Variants in CEP112 observed in about 807,000 individuals in gnomAD.
The protein encoded by CEP112 is centrosomal protein 112.
A neutral mutation model predicts 153.0 loss-of-function variants in CEP112; 127 were observed. The observed-to-expected ratio is 0.83, with a 90% confidence interval of 0.72 to 0.96. CEP112 has a LOEUF of 0.96. Among genes scored for constraint, CEP112 ranks in the 40% least tolerant of loss-of-function variants. The pLI, the probability that CEP112 is intolerant of heterozygous loss-of-function variation, is 0.00. For missense variants in CEP112, 1,089 were observed against 1,101.2 expected (o/e 0.99, Z 0.16); for synonymous variants, 358 against 374.4 (o/e 0.96, Z 0.51).
chr17:66,186,815 C>G (rs1372533257), intron 1 of CEP112, among the ~76,000 whole-genome samples: 3 of 152,202 alleles, frequency 2.0e-5, no homozygotes, highest in Non-Finnish European at 4.4e-5. Context: ...ATCCTACAGC[C>G]CCTTGAATAA....
intron 21 of CEP112, among the ~76,000 whole-genome samples, chr17:65,795,016 A>G (rs1171727678): frequency 6.6e-6 from 1 of 152,262 alleles, no homozygotes; most frequent in Non-Finnish European, 1.5e-5. Context: ...TGAAAGAACG[A>G]ATAAACTAAG....
intron 12 of CEP112, among the ~76,000 whole-genome samples, chr17:66,032,467 G>A (rs543513143): frequency 3.5e-4 from 53 of 152,198 alleles, no homozygotes; most frequent in African/African-American, 1.2e-3. Flanking sequence ...AATATCACAG[G>A]CTTTCAGTTG....
chr17:66,094,330 A>T (rs1007396683), intron 8 of CEP112, among the ~76,000 whole-genome samples: 1 of 152,094 alleles, frequency 6.6e-6, no homozygotes, highest in African/African-American at 2.4e-5. Flanking sequence ...AAAGTGCTCA[A>T]TTACAGGCGT....
At chr17:65,951,611 G>A (rs963349852) in intron 18 of CEP112, among the ~76,000 whole-genome samples, 5 of 151,792 alleles carry the variant, frequency 3.3e-5, no homozygotes, top group East Asian at 1.9e-4. Flanking sequence ...CTAACTCCTC[G>A]TTTTTATGGT....
chr17:65,849,425 T>A (rs1020122055), intron 21 of CEP112, among the ~76,000 whole-genome samples: 53 of 151,712 alleles, frequency 3.5e-4, no homozygotes, highest in African/African-American at 1.2e-3. Flanking sequence ...CCCCCTCCCC[T>A]GTTTTTTATA....
At chr17:65,697,115 G>A (rs139401386) in intron 23 of CEP112, among the ~76,000 whole-genome samples, 1 of 152,224 alleles carries the variant, frequency 6.6e-6, no homozygotes, top group African/African-American at 2.4e-5. Flanking sequence ...CATGGTAATG[G>A]TCTGTTTTCC....
chr17:65,668,757 T>C (rs544238385), intron 24 of CEP112, among the ~76,000 whole-genome samples: 2 of 152,362 alleles, frequency 1.3e-5, no homozygotes, highest in East Asian at 3.9e-4. Flanking sequence ...TCAGTGTTAC[T>C]GATTGGCTGG....
intron 21 of CEP112, among the ~76,000 whole-genome samples, chr17:65,807,948 C>T (rs1213035975): frequency 6.6e-6 from 1 of 152,216 alleles, no homozygotes; most frequent in African/African-American, 2.4e-5. Flanking sequence ...ATCCTCCAGA[C>T]CCCGGAATGC....
At chr17:65,967,624 AC>A (rs1398550511) in intron 17 of CEP112, among the ~76,000 whole-genome samples, 1 of 152,210 alleles carries the variant, frequency 6.6e-6, no homozygotes, top group Admixed American at 6.5e-5. Flanking sequence ...AATACAAAGA[AC>A]GTAACAATGA....
At chr17:66,128,413 A>C (rs1482259580) in intron 6 of CEP112, among the ~76,000 whole-genome samples, 1 of 152,132 alleles carries the variant, frequency 6.6e-6, no homozygotes, top group Non-Finnish European at 1.5e-5. Context: ...GAACTTTCAT[A>C]ATCCCACCAA....
intron 8 of CEP112, among the ~76,000 whole-genome samples, chr17:66,070,441 A>G (rs762130347): frequency 1.2e-4 from 18 of 151,970 alleles, no homozygotes; most frequent in Non-Finnish European, 1.8e-4. Flanking sequence ...ATTAACCTAC[A>G]TATGTAAATA....
intron 19 of CEP112, among the ~76,000 whole-genome samples, chr17:65,920,373 AT>A (rs2060666534): frequency 1.3e-5 from 1 of 76,844 alleles, no homozygotes; most frequent in African/African-American, 5.8e-5. Flanking sequence ...ATATATATAT[AT>A]ATATATATAT....
intron 24 of CEP112, among the ~76,000 whole-genome samples, chr17:65,667,882 G>A (rs1376454071): frequency 3.4e-5 from 5 of 146,242 alleles, no homozygotes; most frequent in Non-Finnish European, 4.5e-5. Flanking sequence ...CGACGACTGC[G>A]CCACTCCCTT....
At chr17:65,765,707 T>G (rs962321339) in intron 21 of CEP112, among the ~76,000 whole-genome samples, 7 of 152,092 alleles carry the variant, frequency 4.6e-5, no homozygotes, top group Non-Finnish European at 8.8e-5. Context: ...TAAACTCTTA[T>G]AGCCTATGGC....
rs746319380 is a variant in CEP112 at position 66,129,732 on chromosome 17, A to G, written c.642+14T>C. On this transcript the variant is annotated intron_variant, in intron 6 of 26. Coordinates refer to ENST00000535342, the MANE Select transcript of CEP112 (RefSeq NM_001199165.4). ...ACACATCTATATATACATAAAGCAA[A>G]TACTTTTTTTTACCCCAAGATTCCA... is the stretch of plus-strand genomic sequence containing the variant. 6 of 1,572,862 alleles carry G rather than the reference A, an allele frequency of 3.8e-6. No homozygotes were observed. The Admixed American group carries it at 5.1e-5, about 13-fold the overall frequency.
chr17:65,747,995 T>C (rs1462050008), intron 22 of CEP112, among the ~76,000 whole-genome samples: 1 of 152,224 alleles, frequency 6.6e-6, no homozygotes, highest in Non-Finnish European at 1.5e-5. Flanking sequence ...ACTTTGCTTT[T>C]AGTGTTCTCA....
At chr17:66,039,218 G>C (rs2065870218) in intron 12 of CEP112, among the ~76,000 whole-genome samples, 1 of 152,140 alleles carries the variant, frequency 6.6e-6, no homozygotes, top group Non-Finnish European at 1.5e-5. Context: ...AATATAAAAT[G>C]TCTCATGGTC....
chr17:65,971,256 C>A (rs1401675271), intron 17 of CEP112, among the ~76,000 whole-genome samples: 1 of 152,128 alleles, frequency 6.6e-6, no homozygotes, highest in Non-Finnish European at 1.5e-5. Context: ...ACATCAAATG[C>A]GTACTGCACA....
chr17:65,721,428 T>G (rs1205283578), intron 23 of CEP112, among the ~76,000 whole-genome samples: 1 of 152,214 alleles, frequency 6.6e-6, no homozygotes. Context: ...CAGGTAATAC[T>G]TCATAGTTTG....
Sources: gnomAD v4.1 joint callset for allele counts (sites outside exome capture counted in the v4.1 genomes callset) on GRCh38, gnomAD v4.1.1 for gene constraint, MANE v1.5 for transcripts, NCBI Gene and HGNC (gene_info 2026-07-23, HGNC 2026-07-21) for gene names.